Variants in ZNF382 observed in about 807,000 individuals in gnomAD.
ZNF382 encodes the protein KRAB/zinc finger suppressor protein 1.
Under a neutral mutation model 38.8 loss-of-function variants are expected in ZNF382, and 20 were observed. That is an observed-to-expected ratio of 0.51 (90% CI 0.36 to 0.75). The LOEUF (loss-of-function observed/expected upper bound fraction) is 0.75, where lower values mean the gene tolerates loss of function less well. Ranked by LOEUF, ZNF382 falls within the 30% of genes least tolerant of loss-of-function variation. The pLI is 0.00. For synonymous variants in ZNF382, 202 were observed against 223.1 expected (o/e 0.91, Z 0.84); for missense variants, 546 against 654.1 (o/e 0.83, Z 1.80).
chr19:36,627,578 G>A lies in ZNF382; in HGVS notation c.*28G>A, dbSNP rs199838362. 8.5e-4 allele frequency: 1,315 copies of A among 1,541,864 alleles called. 3 individuals carry two copies. The highest frequency in any genetic ancestry group is 1.1e-3 in the Non-Finnish European group (1,178 of 1,120,378). ...AATGTGGCTTTTTTTGTAAAAAAATGTTAAGTCATAGTAAACCCTGTAGAT... is the reference window on the plus strand; with the variant it reads ...AATGTGGCTTTTTTTGTAAAAAAATATTAAGTCATAGTAAACCCTGTAGAT... On this transcript the variant is annotated 3_prime_UTR_variant, in exon 5 of 5. Transcript: ENST00000292928.
chr19:36,621,591 T>TACACAC (rs34609656), intron 4 of ZNF382, among the ~76,000 whole-genome samples: 128 of 145,292 alleles, frequency 8.8e-4, no homozygotes, highest in East Asian at 3.2e-3. Context: ...TAGAAAAAAA[T>TACACAC]ACACACACAC....
Position 36,610,718 on chromosome 19 carries a change from A to G in ZNF382, c.208A>G (p.Ile70Val). 2 of 1,613,256 alleles carry G rather than the reference A, an allele frequency of 1.2e-6. No individual in the cohort carries two copies. Among genetic ancestry groups the G allele is most frequent in the South Asian group, 2.2e-5 (2 of 91,016 alleles). The change falls in exon 4 of 5, where the codon ATT becomes GTT. Residue 70 changes from isoleucine to valine, a missense_variant. Ile to Val is a conservative substitution (Grantham distance 29, BLOSUM62 3). Coordinates refer to ENST00000292928, the MANE Select transcript of ZNF382 (RefSeq NM_032825.5). ...AGGAGAAGAGCTATGGACACAGAGAATTTTTCCAAGTTACAGCTACCTAGG... is the reference window on the plus strand; with the variant it reads ...AGGAGAAGAGCTATGGACACAGAGAGTTTTTCCAAGTTACAGCTACCTAGG... ...EQGEELWTQRIFPSYSYLEED... is the reference protein window; with the variant it reads ...EQGEELWTQRVFPSYSYLEED...
intron 4 of ZNF382, among the ~76,000 whole-genome samples, chr19:36,620,604 A>G (rs1267626776): frequency 6.6e-6 from 1 of 152,184 alleles, no homozygotes; most frequent in African/African-American, 2.4e-5. Context: ...TCAAATAGAC[A>G]TTTCAGCCCA....
Position 36,609,890 on chromosome 19 carries a change from C to G in ZNF382, c.-13-12C>G, listed in dbSNP as rs749621709. 4.4e-6 allele frequency: 7 copies of G among 1,576,286 alleles called. No homozygotes were observed. The highest frequency in any genetic ancestry group is 6.0e-6 in the Non-Finnish European group (7 of 1,163,880). On this transcript the variant is annotated splice_polypyrimidine_tract_variant and intron_variant, in intron 2 of 4. Coordinates refer to ENST00000292928, the MANE Select transcript of ZNF382 (RefSeq NM_032825.5). Reference sequence around the variant, plus strand: ...CCAATATCTAGTTCTCACACATTTCCGATCACTTCAGGATGAACTAGAGTA... The same window carrying G: ...CCAATATCTAGTTCTCACACATTTCGGATCACTTCAGGATGAACTAGAGTA...
chr19:36,615,645 A>G (rs1329723394), intron 4 of ZNF382, among the ~76,000 whole-genome samples: 1 of 152,198 alleles, frequency 6.6e-6, no homozygotes, highest in Non-Finnish European at 1.5e-5. Context: ...TATAGCACAT[A>G]CAAGTAAAAG....
At chr19:36,607,135 T>C (rs1412977034) in intron 1 of ZNF382, among the ~76,000 whole-genome samples, 1 of 150,506 alleles carries the variant, frequency 6.6e-6, no homozygotes, top group Non-Finnish European at 1.5e-5. Flanking sequence ...TAGGCAAAGA[T>C]TTAAAAGTTG....
intron 4 of ZNF382, among the ~76,000 whole-genome samples, chr19:36,614,534 C>A (rs978053671): frequency 3.9e-5 from 6 of 152,174 alleles, no homozygotes; most frequent in African/African-American, 1.4e-4. Flanking sequence ...TAGTTAGCTT[C>A]TCTAATTCCT....
At chr19:36,616,145 T>C (rs932069300) in intron 4 of ZNF382, among the ~76,000 whole-genome samples, 2 of 152,232 alleles carry the variant, frequency 1.3e-5, no homozygotes, top group Non-Finnish European at 2.9e-5. Context: ...CTCAGGAGGC[T>C]GAGGCAGGAG....
At chr19:36,606,956 A>C (rs1432903123) in intron 1 of ZNF382, among the ~76,000 whole-genome samples, 2 of 151,774 alleles carry the variant, frequency 1.3e-5, no homozygotes, top group Admixed American at 6.6e-5. Flanking sequence ...GCATGCCTGT[A>C]ATCCCAGCTA....
Position 36,627,897 on chromosome 19 carries a change from T to C in ZNF382, c.*347T>C, listed in dbSNP as rs936877575. The C allele has an allele frequency of 1.9e-5, 4 of 213,836 alleles. No homozygotes were observed. The East Asian group carries it at 3.3e-4, about 17-fold the overall frequency. 13.2% of individuals were successfully genotyped at this position (213,836 alleles called of 1,614,324 possible). On this transcript the variant is annotated 3_prime_UTR_variant, in exon 5 of 5. Coordinates refer to ENST00000292928, the MANE Select transcript of ZNF382 (RefSeq NM_032825.5). ...TAGTTGGCCAACTGACTGTGGTCCA[T>C]GGACTACACAGTGAGTAGAGGTTCT...
At position 36,629,661 on chromosome 19, in the gene ZNF382, G is replaced by A. The variant is rs1474637436; in HGVS notation, c.*2111G>A. The A allele has an allele frequency of 6.6e-6, 1 of 152,110 alleles. No homozygotes were observed. Among genetic ancestry groups the A allele is most frequent in the African/African-American group, 2.4e-5 (1 of 41,406 alleles). The allele number at this position is 152,110 out of a possible 1,614,324, so 9.4% of individuals were successfully genotyped here. A position where few individuals can be genotyped will look rare whatever the true frequency, so the allele number is the denominator to read the frequency against. On this transcript the variant is annotated 3_prime_UTR_variant, in exon 5 of 5. Transcript: ENST00000292928. ...AATAAAAATAAAGGTATAAGCCTGG[G>A]CTTGGTGGCTCATTTCTGTAATCCC...
intron 2 of ZNF382, chr19:36,609,267 T>C (rs1349190221): frequency 1.3e-5 from 2 of 152,182 alleles, no homozygotes; most frequent in South Asian, 2.1e-4. Flanking sequence ...ATAGCTACAA[T>C]GTTGGGAATG....
In ZNF382 at chr19:36,628,640, A is replaced by T. The variant is rs145423780; in HGVS notation, c.*1090A>T. The stretch of plus-strand genomic sequence containing the variant: ...GAACTCAAAAAGTCTACTAGAGGAG[A>T]GGCATCCAGCATTTCCCTTGTTCAA... On this transcript the variant is annotated 3_prime_UTR_variant, in exon 5 of 5. Coordinates refer to ENST00000292928, the MANE Select transcript of ZNF382 (RefSeq NM_032825.5). 6.5e-6 allele frequency: 1 copy of T among 152,756 alleles called. No individual in the cohort carries two copies. The highest frequency in any genetic ancestry group is 2.4e-5 in the African/African-American group (1 of 41,576). 9.5% of individuals were successfully genotyped at this position (152,756 alleles called of 1,614,324 possible). A position where few individuals can be genotyped will look rare whatever the true frequency, so the allele number is the denominator to read the frequency against.
In ZNF382 at chr19:36,631,392, C is replaced by CT. The variant is rs200197920; in HGVS notation, c.*3855dup. The CT allele has an allele frequency of 8.9e-3, 1,285 of 144,450 alleles. 27 individuals carry two copies. Among genetic ancestry groups the CT allele is most frequent in the Admixed American group, 0.041 (585 of 14,404 alleles). 8.9% of individuals were successfully genotyped at this position (144,450 alleles called of 1,614,324 possible). ...TACAGTAAAAATGTGGTACTATAATCTTTTTTTTTTTTTGAGACAGAGTCT... is the reference window on the plus strand; with the variant it reads ...TACAGTAAAAATGTGGTACTATAATCTTTTTTTTTTTTTTGAGACAGAGTCT... On this transcript the variant is annotated 3_prime_UTR_variant, in exon 5 of 5. Coordinates refer to ENST00000292928, the MANE Select transcript of ZNF382 (RefSeq NM_032825.5).
At position 36,626,441 on chromosome 19, in the gene ZNF382, G is replaced by T; in HGVS notation, c.544G>T (p.Ala182Ser). The stretch of plus-strand genomic sequence containing the variant: ...TACCAAGCATGAGAAAATTCATCCT[G>T]CAGTGAATCTCCATAAACAAACAGA... ...LNTKHEKIHP[A>S]VNLHKQTERV... The change falls in exon 5 of 5, where the codon GCA (alanine) becomes TCA (serine). Residue 182 changes from alanine to serine, a missense_variant. Ala to Ser is a moderately conservative substitution (Grantham distance 99, BLOSUM62 1). Coordinates refer to ENST00000292928, the MANE Select transcript of ZNF382 (RefSeq NM_032825.5). 1 of 1,606,488 alleles carries T rather than the reference G, an allele frequency of 6.2e-7. No individual in the cohort carries two copies. Among genetic ancestry groups the T allele is most frequent in the Middle Eastern group, 1.7e-4 (1 of 6,004 alleles).
At chr19:36,607,450 C>A in intron 1 of ZNF382, 102 bp from the exon 2 acceptor site, 1 of 711,058 alleles carries the variant, frequency 1.4e-6, no homozygotes, top group Non-Finnish European at 2.4e-6. Flanking sequence ...TGGACAAGTG[C>A]TGAAATAGTG....
chr19:36,617,487 T>C (rs1239881391), intron 4 of ZNF382, among the ~76,000 whole-genome samples: 1 of 152,130 alleles, frequency 6.6e-6, no homozygotes, highest in Non-Finnish European at 1.5e-5. Flanking sequence ...AGGTGTGCAC[T>C]TGGGGTCCTG....
intron 4 of ZNF382, among the ~76,000 whole-genome samples, chr19:36,619,730 T>G (rs1359422072): frequency 1.6e-5 from 1 of 62,406 alleles, no homozygotes; most frequent in Non-Finnish European, 4.0e-5. Flanking sequence ...ATTAAAAGAG[T>G]TTTTTTTTTT....
In ZNF382 at chr19:36,628,313, A is replaced by G. The variant is rs2037231660; in HGVS notation, c.*763A>G. The G allele has an allele frequency of 2.0e-5, 3 of 152,580 alleles. No individual in the cohort carries two copies. The South Asian group carries it at 6.2e-4, about 32-fold the overall frequency. 9.5% of individuals were successfully genotyped at this position (152,580 alleles called of 1,614,324 possible). On this transcript the variant is annotated 3_prime_UTR_variant, in exon 5 of 5. Transcript: ENST00000292928. ...ACATACATGTATTTCTCTTGTGTATATACTTAGGAGTGGAATCGCTGGGTC... is the reference window on the plus strand; with the variant it reads ...ACATACATGTATTTCTCTTGTGTATGTACTTAGGAGTGGAATCGCTGGGTC...
Sources: gnomAD v4.1 joint callset for allele counts (sites outside exome capture counted in the v4.1 genomes callset) on GRCh38, gnomAD v4.1.1 for gene constraint, MANE v1.5 for transcripts, NCBI Gene and HGNC (gene_info 2026-07-23, HGNC 2026-07-21) for gene names.